MBP: variants seen among roughly 807,000 people sequenced by gnomAD.
MBP encodes the protein myelin basic protein, also known as Golli-MBP.
MBP carries 16 observed loss-of-function variants against 35.8 expected under a neutral mutation model. That is an observed-to-expected ratio of 0.45 (90% CI 0.30 to 0.68). MBP has a LOEUF of 0.68. Ranked by LOEUF, MBP falls within the 30% of genes least tolerant of loss-of-function variation. The pLI is 0.08. For synonymous variants in MBP, 143 were observed against 159.6 expected, an observed-to-expected ratio of 0.90 and a Z score of 0.78; for missense variants, 380 against 404.7, an observed-to-expected ratio of 0.94 and a Z score of 0.52.
intron 2 of MBP, among the ~76,000 whole-genome samples, chr18:77,091,442 A>C (rs1396912945): frequency 6.6e-6 from 1 of 152,196 alleles, no homozygotes; most frequent in Non-Finnish European, 1.5e-5. Flanking sequence ...AAAATATGAT[A>C]ATTAGATTAA....
chr18:77,040,871 G>A (rs1972961940), intron 3 of MBP, among the ~76,000 whole-genome samples: 1 of 152,134 alleles, frequency 6.6e-6, no homozygotes. Context: ...ATAGGCATGG[G>A]CAAGGACTTC....
chr18:76,995,350 T>C (rs1970211087), intron 4 of MBP, among the ~76,000 whole-genome samples: 1 of 152,186 alleles, frequency 6.6e-6, no homozygotes, highest in Admixed American at 6.5e-5. Flanking sequence ...TCTAAAACTG[T>C]ATGGAAATCC....
intron 1 of MBP, among the ~76,000 whole-genome samples, 164 bp downstream of exon 1, chr18:77,132,416 G>A (rs554177006): frequency 6.6e-6 from 1 of 152,160 alleles, no homozygotes. Context: ...CCAAGAAAGG[G>A]ACCCGGAGTC....
At chr18:77,046,710 A>T (rs1973272849) in intron 3 of MBP, among the ~76,000 whole-genome samples, 1 of 152,250 alleles carries the variant, frequency 6.6e-6, no homozygotes, top group South Asian at 2.1e-4. Context: ...GTGGTTCCAC[A>T]TTATTCCATA....
At chr18:77,099,207 G>A (rs1026558701) in intron 2 of MBP, among the ~76,000 whole-genome samples, 5 of 152,182 alleles carry the variant, frequency 3.3e-5, no homozygotes, top group African/African-American at 1.2e-4. Flanking sequence ...ACTGCATGAC[G>A]TACACTATAC....
chr18:77,039,149 C>T (rs1295681463), intron 3 of MBP, among the ~76,000 whole-genome samples: 3 of 152,242 alleles, frequency 2.0e-5, no homozygotes, highest in African/African-American at 7.2e-5. Context: ...TGCTTTTGTG[C>T]ACTGATGGCA....
chr18:77,108,729 T>C (rs1281584227), intron 1 of MBP: 2 of 152,278 alleles, frequency 1.3e-5, no homozygotes, highest in African/African-American at 4.8e-5. Flanking sequence ...TTAGACTACA[T>C]GTCACCTTGG....
chr18:77,000,498 T>G (rs1310405745), intron 4 of MBP, among the ~76,000 whole-genome samples: 4 of 152,240 alleles, frequency 2.6e-5, no homozygotes, highest in Non-Finnish European at 5.9e-5. Context: ...GAAAAGTTTT[T>G]AAAATCACGG....
chr18:77,082,943 T>C (rs1251069731), intron 2 of MBP, among the ~76,000 whole-genome samples: 4 of 138,082 alleles, frequency 2.9e-5, no homozygotes, highest in African/African-American at 1.1e-4. Flanking sequence ...CTTTAACTAA[T>C]TGCTAGTCTG....
At chr18:77,018,073 A>T (rs1367860804) in intron 3 of MBP, among the ~76,000 whole-genome samples, 2 of 152,214 alleles carry the variant, frequency 1.3e-5, no homozygotes, top group African/African-American at 4.8e-5. Context: ...GGATTCACTC[A>T]CATATTCCTG....
Position 77,130,773 on chromosome 18 carries a change from C to T in MBP, c.-26+1807G>A, listed in dbSNP as rs1361157443. On this transcript the variant is annotated intron_variant, in intron 1 of 8. Transcript: ENST00000355994. ...GACCACCACTGACCAAACTCAAACCCGACGTTTTAAATCATGGAGGAGCCA... is the reference window on the plus strand; with the variant it reads ...GACCACCACTGACCAAACTCAAACCTGACGTTTTAAATCATGGAGGAGCCA... Among the ~76,000 whole-genome samples, 6 of 151,470 alleles carry T rather than the reference C, an allele frequency of 4.0e-5. No homozygotes were observed. In the East Asian group the frequency reaches 9.7e-4, roughly 24 times the overall value.
chr18:77,076,788 G>C (rs1234268335), intron 2 of MBP, among the ~76,000 whole-genome samples: 2 of 152,112 alleles, frequency 1.3e-5, no homozygotes, highest in Admixed American at 6.5e-5. Context: ...CCTGATTCCA[G>C]CAAGTAGGCA....
At chr18:76,993,561 A>C (rs574392612) in intron 4 of MBP, among the ~76,000 whole-genome samples, 6 of 152,022 alleles carry the variant, frequency 3.9e-5, no homozygotes, top group African/African-American at 7.2e-5. Context: ...AAAAAAAAAA[A>C]AAAAAAACAA....
intron 3 of MBP, among the ~76,000 whole-genome samples, chr18:77,025,138 T>C (rs1972154488): frequency 6.6e-6 from 1 of 152,218 alleles, no homozygotes; most frequent in African/African-American, 2.4e-5. Context: ...CGTTCACTCC[T>C]GCCTAAACTC....
intron 3 of MBP, among the ~76,000 whole-genome samples, chr18:77,048,721 C>T (rs565563198): frequency 1.3e-5 from 2 of 152,234 alleles, no homozygotes; most frequent in Admixed American, 6.5e-5. Flanking sequence ...ACCTTGGCCT[C>T]CCAAAGTGTT....
chr18:76,992,449 G>A (rs972254719), intron 4 of MBP, among the ~76,000 whole-genome samples: 1 of 152,110 alleles, frequency 6.6e-6, no homozygotes, highest in African/African-American at 2.4e-5. Flanking sequence ...GCCACAGAGC[G>A]GTACCGGTCC....
chr18:77,099,003 C>T (rs534810216), intron 2 of MBP, among the ~76,000 whole-genome samples: 19 of 152,038 alleles, frequency 1.2e-4, no homozygotes, highest in African/African-American at 3.6e-4. Context: ...TCCATCCTCC[C>T]CGTCATCCTC....
chr18:77,106,768 T>G (rs551320108), intron 1 of MBP, among the ~76,000 whole-genome samples: 7 of 152,282 alleles, frequency 4.6e-5, no homozygotes, highest in Admixed American at 4.6e-4. Flanking sequence ...AATAATAGTT[T>G]GATATGTATG....
intron 2 of MBP, among the ~76,000 whole-genome samples, chr18:77,081,819 T>TACACACACACACATATATATAC: frequency 1.3e-5 from 1 of 76,264 alleles, no homozygotes; most frequent in East Asian, 7.6e-4. Flanking sequence ...CACACATATA[T>TACACACACACACATATATATAC]ACACACACAC....
Sources: allele counts gnomAD v4.1 joint callset (sites outside exome capture counted in the v4.1 genomes callset), GRCh38; gene constraint gnomAD v4.1.1; transcripts MANE v1.5; gene names NCBI Gene and HGNC (gene_info 2026-07-23, HGNC 2026-07-21).